Variants in SCAPER observed in about 807,000 individuals in gnomAD.
SCAPER encodes S-phase cyclin A associated protein in the ER.
SCAPER carries 98 observed loss-of-function variants against 182.2 expected under a neutral mutation model. That is an observed-to-expected ratio of 0.54 (90% CI 0.46 to 0.64). The LOEUF (loss-of-function observed/expected upper bound fraction) is 0.64, where lower values mean the gene tolerates loss of function less well. SCAPER is among the 30% of genes least tolerant of loss of function. SCAPER has a pLI of 0.00. For missense variants in SCAPER, 1,432 were observed against 1,690.0 expected (o/e 0.85, Z 2.68); for synonymous variants, 605 against 564.6 (o/e 1.07, Z -1.01).
chr15:76,716,334 T>C (rs2059886849), intron 17 of SCAPER, among the ~76,000 whole-genome samples: 1 of 152,034 alleles, frequency 6.6e-6, no homozygotes, highest in Non-Finnish European at 1.5e-5. Flanking sequence ...TCCCACTCTG[T>C]AAAGTTGGAA....
intron 22 of SCAPER, among the ~76,000 whole-genome samples, chr15:76,581,292 G>C (rs1392381701): frequency 2.0e-5 from 3 of 152,100 alleles, no homozygotes; most frequent in Admixed American, 6.5e-5. Context: ...GAGGAGAAGG[G>C]AATATTTTCA....
chr15:76,784,733 A>AC (rs1361564295), intron 8 of SCAPER, among the ~76,000 whole-genome samples: 1 of 152,186 alleles, frequency 6.6e-6, no homozygotes, highest in Non-Finnish European at 1.5e-5. Flanking sequence ...ATAACACCAC[A>AC]CATCTACAAC....
chr15:76,886,435 G>T (rs972970062), intron 1 of SCAPER, among the ~76,000 whole-genome samples: 9 of 152,064 alleles, frequency 5.9e-5, no homozygotes, highest in Non-Finnish European at 1.2e-4. Context: ...AGCCAAGGTT[G>T]TGCCACTGCA....
intron 21 of SCAPER, 38 bp downstream of exon 21, chr15:76,665,615 A>T: frequency 6.5e-7 from 1 of 1,544,636 alleles, no homozygotes; most frequent in Non-Finnish European, 8.7e-7. Flanking sequence ...ATACATCACT[A>T]AAAGTTTTTC....
At chr15:76,554,302 G>T (rs2046014245) in intron 23 of SCAPER, among the ~76,000 whole-genome samples, 1 of 152,080 alleles carries the variant, frequency 6.6e-6, no homozygotes. Context: ...ATTAGAGAAT[G>T]AACAAAACCT....
At chr15:76,859,721 GGTTTTGTTTT>G (rs747277917) in intron 3 of SCAPER, among the ~76,000 whole-genome samples, 2 of 151,968 alleles carry the variant, frequency 1.3e-5, no homozygotes, top group South Asian at 4.2e-4. Flanking sequence ...CAGTTTTTTG[GGTTTTGTTTT>G]GTTTTGTTTT....
At chr15:76,744,920 A>T (rs2151135775) in intron 15 of SCAPER, among the ~76,000 whole-genome samples, 1 of 152,128 alleles carries the variant, frequency 6.6e-6, no homozygotes, top group South Asian at 2.1e-4. Flanking sequence ...AGACTGGATT[A>T]AAAAAAATGT....
chr15:76,625,464 A>G (rs187220355), intron 21 of SCAPER, among the ~76,000 whole-genome samples: 4 of 152,286 alleles, frequency 2.6e-5, no homozygotes, highest in Admixed American at 2.6e-4. Flanking sequence ...TAGGGGCAGT[A>G]GGGTCTTTGA....
At chr15:76,443,278 C>T (rs963180232) in intron 25 of SCAPER, among the ~76,000 whole-genome samples, 4 of 152,186 alleles carry the variant, frequency 2.6e-5, no homozygotes, top group Non-Finnish European at 5.9e-5. Flanking sequence ...CTTACACCAA[C>T]TTGTTATAAC....
chr15:76,448,990 T>C (rs1033173073), intron 25 of SCAPER, among the ~76,000 whole-genome samples: 4 of 152,154 alleles, frequency 2.6e-5, no homozygotes, highest in South Asian at 2.1e-4. Flanking sequence ...ATGCTGACAC[T>C]TGACAAATGA....
chr15:76,572,477 T>C (rs751371014), intron 23 of SCAPER, among the ~76,000 whole-genome samples: 2 of 152,202 alleles, frequency 1.3e-5, no homozygotes, highest in South Asian at 2.1e-4. Flanking sequence ...TCTGCCACAA[T>C]GCCACACTGA....
At chr15:76,755,968 A>G (rs1164571305) in intron 14 of SCAPER, among the ~76,000 whole-genome samples, 1 of 152,158 alleles carries the variant, frequency 6.6e-6, no homozygotes, top group Non-Finnish European at 1.5e-5. Context: ...CTAAAAATTC[A>G]TCAGGCCAGG....
chr15:76,860,294 T>C (rs926303852), intron 3 of SCAPER, among the ~76,000 whole-genome samples: 2 of 152,306 alleles, frequency 1.3e-5, no homozygotes, highest in Non-Finnish European at 2.9e-5. Flanking sequence ...CATGTTGATA[T>C]GTACTTTTAT....
At chr15:76,697,725 C>T (rs1040042426) in intron 20 of SCAPER, among the ~76,000 whole-genome samples, 16 of 152,108 alleles carry the variant, frequency 1.1e-4, no homozygotes, top group Admixed American at 3.3e-4. Context: ...CTGCAACCTC[C>T]GGCTTCTGTG....
chr15:76,651,521 A>C (rs192785157), intron 21 of SCAPER, among the ~76,000 whole-genome samples: 6 of 152,150 alleles, frequency 3.9e-5, no homozygotes, highest in East Asian at 3.9e-4. Flanking sequence ...GCAAGCACAC[A>C]ATCTTCCTAA....
intron 23 of SCAPER, among the ~76,000 whole-genome samples, chr15:76,519,982 T>C (rs530599971): frequency 6.6e-6 from 1 of 152,316 alleles, no homozygotes; most frequent in Admixed American, 6.5e-5. Context: ...CTTTGTAGTA[T>C]CTTAAAATTG....
intron 23 of SCAPER, among the ~76,000 whole-genome samples, chr15:76,509,561 C>T (rs2041865172): frequency 6.6e-6 from 1 of 152,054 alleles, no homozygotes; most frequent in African/African-American, 2.4e-5. Flanking sequence ...TTGTGAAATA[C>T]AATACAGATG....
intron 22 of SCAPER, among the ~76,000 whole-genome samples, chr15:76,579,703 G>T (rs549680526): frequency 6.6e-6 from 1 of 152,224 alleles, no homozygotes; most frequent in East Asian, 1.9e-4. Flanking sequence ...AATGGAATAA[G>T]CTCTCCAATC....
chr15:76,387,752 A>G (rs900584541), intron 27 of SCAPER, among the ~76,000 whole-genome samples: 1 of 152,228 alleles, frequency 6.6e-6, no homozygotes, highest in African/African-American at 2.4e-5. Context: ...TTACCTACAA[A>G]TAAACATGAG....
Sources: allele counts gnomAD v4.1 joint callset (sites outside exome capture counted in the v4.1 genomes callset), GRCh38; gene constraint gnomAD v4.1.1; transcripts MANE v1.5; gene names NCBI Gene and HGNC (gene_info 2026-07-23, HGNC 2026-07-21).